GALK2: variants seen among roughly 807,000 people sequenced by gnomAD.
GALK2 encodes the protein galactokinase 2.
GALK2 carries 36 observed loss-of-function variants against 52.4 expected under a neutral mutation model. That is an observed-to-expected ratio of 0.69 (90% CI 0.53 to 0.91). The LOEUF is 0.91. GALK2 is among the 40% of genes least tolerant of loss of function. The probability of loss-of-function intolerance (pLI) is 0.00; values close to 1 mark genes in which losing one functional copy is unlikely to be tolerated. For synonymous variants in GALK2, 176 were observed against 199.1 expected (o/e 0.88, Z 0.98); for missense variants, 579 against 559.1 (o/e 1.04, Z -0.36).
chr15:49,348,668 A>T (rs2041863040), intron 3 of GALK2, among the ~76,000 whole-genome samples: 1 of 152,158 alleles, frequency 6.6e-6, no homozygotes. Flanking sequence ...CCTAAGAGAG[A>T]AGTAGGTTGG....
intron 5 of GALK2, among the ~76,000 whole-genome samples, chr15:49,262,857 G>A (rs1416206963): frequency 6.9e-6 from 1 of 143,896 alleles, no homozygotes; most frequent in African/African-American, 2.6e-5. Flanking sequence ...AGGTTGTTCA[G>A]TTTCCATGTA....
intron 8 of GALK2, among the ~76,000 whole-genome samples, chr15:49,311,344 A>G (rs1011483211): frequency 5.3e-5 from 8 of 152,210 alleles, no homozygotes; most frequent in Non-Finnish European, 1.2e-4. Flanking sequence ...GCAGGATACA[A>G]TTTAAACATC....
chr15:49,247,640 A>G (rs757281562), intron 5 of GALK2, among the ~76,000 whole-genome samples: 1 of 152,206 alleles, frequency 6.6e-6, no homozygotes, highest in Non-Finnish European at 1.5e-5. Context: ...GACAGTTTCA[A>G]GTAATTGGTG....
chr15:49,335,945 TG>T (rs1369357936), downstream of GALK2, among the ~76,000 whole-genome samples: 1 of 152,186 alleles, frequency 6.6e-6, no homozygotes, highest in Non-Finnish European at 1.5e-5. Context: ...CTCAAACTCC[TG>T]GGCTCAAAGG....
At position 49,331,088 on chromosome 15, in the gene GALK2, A is replaced by G. The variant is rs2038644196; in HGVS notation, c.*2929A>G. On this transcript the variant is annotated 3_prime_UTR_variant, in exon 10 of 10. Coordinates refer to ENST00000560031, the MANE Select transcript of GALK2 (RefSeq NM_002044.4). ...CCCATGTAGGAATTTGATTTGATCCATTTTTGACATTATACTAGCAGCCAA... is the reference window on the plus strand; with the variant it reads ...CCCATGTAGGAATTTGATTTGATCCGTTTTTGACATTATACTAGCAGCCAA... 1.3e-5 allele frequency: 2 copies of G among 152,250 alleles called. No homozygotes were observed. The highest frequency in any genetic ancestry group is 4.8e-5 in the African/African-American group (2 of 41,456). The allele number at this position is 152,250 out of a possible 1,614,324, so 9.4% of individuals were successfully genotyped here. A position where few individuals can be genotyped will look rare whatever the true frequency, so the allele number is the denominator to read the frequency against.
intron 1 of GALK2, among the ~76,000 whole-genome samples, chr15:49,191,670 T>C (rs1439114743): frequency 4.6e-5 from 7 of 152,204 alleles, no homozygotes; most frequent in African/African-American, 1.7e-4. Context: ...TAAGGAGGTG[T>C]CTGCTGGTTT....
intron 2 of GALK2, among the ~76,000 whole-genome samples, chr15:49,202,488 A>G (rs1488798017): frequency 2.0e-5 from 3 of 152,214 alleles, no homozygotes; most frequent in Non-Finnish European, 4.4e-5. Context: ...TTCACTTAAC[A>G]TAATGTCCTC....
chr15:49,225,095 T>A (rs1391908460), intron 3 of GALK2: 1 of 403,396 alleles, frequency 2.5e-6, no homozygotes, highest in Non-Finnish European at 4.9e-6. Flanking sequence ...GCAGTAGTGG[T>A]CTATAGTGGG....
At chr15:49,185,658 A>T (rs1409926952) in intron 1 of GALK2, 1 of 152,188 alleles carries the variant, frequency 6.6e-6, no homozygotes, top group Admixed American at 6.5e-5. Context: ...GGTAACAGCC[A>T]TTCTGACTAG....
intron 2 of GALK2, among the ~76,000 whole-genome samples, chr15:49,209,985 T>A (rs1322597485): frequency 6.6e-6 from 1 of 152,224 alleles, no homozygotes; most frequent in South Asian, 2.1e-4. Context: ...GTTGGGAGAC[T>A]TTTTACTGTT....
At chr15:49,321,188 G>A (rs920239511) in intron 9 of GALK2, among the ~76,000 whole-genome samples, 3 of 152,228 alleles carry the variant, frequency 2.0e-5, no homozygotes, top group Non-Finnish European at 4.4e-5. Flanking sequence ...TCACTCTGAC[G>A]AAGAGATCTT....
At chr15:49,268,095 T>C (rs2092416645) in intron 5 of GALK2, among the ~76,000 whole-genome samples, 1 of 152,226 alleles carries the variant, frequency 6.6e-6, no homozygotes, top group Non-Finnish European at 1.5e-5. Flanking sequence ...TGTTCATTCA[T>C]TCATTTATTC....
At chr15:49,190,748 T>C (rs762846100) in intron 1 of GALK2, among the ~76,000 whole-genome samples, 1 of 152,306 alleles carries the variant, frequency 6.6e-6, no homozygotes, top group Middle Eastern at 3.4e-3. Context: ...CTTCAACCAG[T>C]CATACACTCC....
chr15:49,197,312 A>G (rs538936869), intron 1 of GALK2, among the ~76,000 whole-genome samples: 1 of 152,288 alleles, frequency 6.6e-6, no homozygotes, highest in South Asian at 2.1e-4. Flanking sequence ...GCAAAATTGC[A>G]CATCTTTATG....
intron 5 of GALK2, among the ~76,000 whole-genome samples, chr15:49,262,472 G>T (rs912579026): frequency 2.0e-5 from 3 of 152,088 alleles, no homozygotes; most frequent in African/African-American, 7.2e-5. Context: ...TTCTGTATTA[G>T]TCTTGCTAGC....
chr15:49,319,720 G>T lies in GALK2; in HGVS notation c.1084G>T (p.Glu362Ter). The T allele has an allele frequency of 6.2e-7, 1 of 1,614,180 alleles. No homozygotes were observed. Among genetic ancestry groups the T allele is most frequent in the Non-Finnish European group, 8.5e-7 (1 of 1,180,036 alleles). Residue 362 changes from glutamate to a stop codon, truncating the protein, a stop_gained, in exon 9 of 10, where the codon GAG becomes TAG. Transcript: ENST00000560031. LOFTEE classifies it high-confidence loss of function. ...APENMVQLLG[E>*]LMNQSHMSCR... ...TGAAAACATGGTCCAGCTGCTGGGA[G>T]AGTTGATGAACCAGAGCCACATGAG...
At chr15:49,336,181 C>T (rs561152414), downstream of GALK2, among the ~76,000 whole-genome samples, 5 of 152,330 alleles carry the variant, frequency 3.3e-5, no homozygotes, top group African/African-American at 9.6e-5. Context: ...TGGCAGCATG[C>T]GTGGCTGCCT....
At chr15:49,248,273 A>T (rs1343343907) in intron 5 of GALK2, among the ~76,000 whole-genome samples, 1 of 152,240 alleles carries the variant, frequency 6.6e-6, no homozygotes, top group African/African-American at 2.4e-5. Context: ...GAAAAATCAG[A>T]AACCAATTTG....
At chr15:49,294,188 C>CATAAAT (rs2034243534) in intron 8 of GALK2, among the ~76,000 whole-genome samples, 1 of 122,992 alleles carries the variant, frequency 8.1e-6, no homozygotes, top group African/African-American at 3.2e-5. Flanking sequence ...AATAAATAAG[C>CATAAAT]AAGCAAGCAA....
Sources: allele counts gnomAD v4.1 joint callset (sites outside exome capture counted in the v4.1 genomes callset), GRCh38; gene constraint gnomAD v4.1.1; transcripts MANE v1.5; gene names NCBI Gene and HGNC (gene_info 2026-07-23, HGNC 2026-07-21).